AUTS2: variants seen among roughly 807,000 people sequenced by gnomAD.
The protein encoded by AUTS2 is autism susceptibility gene 2 protein.
In AUTS2, 17 loss-of-function variants were observed where a neutral mutation model predicts 112.4. The ratio of observed to expected loss-of-function variants is 0.15; its 90% CI spans 0.10 to 0.23. AUTS2 has a LOEUF of 0.23. Ranked by LOEUF, AUTS2 falls within the 10% of genes least tolerant of loss-of-function variation. The pLI is 1.00. For synonymous variants in AUTS2, 751 were observed against 702.7 expected, an observed-to-expected ratio of 1.07 and a Z score of -1.09; for missense variants, 1,510 against 1,701.6, an observed-to-expected ratio of 0.89 and a Z score of 1.98.
intron 1 of AUTS2, among the ~76,000 whole-genome samples, chr7:69,792,363 C>A (rs2129327324): frequency 6.6e-6 from 1 of 152,090 alleles, no homozygotes; most frequent in East Asian, 1.9e-4. Flanking sequence ...CCTCAGCCTC[C>A]CGAGTAGCTG....
intron 4 of AUTS2, among the ~76,000 whole-genome samples, chr7:70,416,463 C>A (rs910531146): frequency 1.4e-4 from 21 of 152,140 alleles, no homozygotes; most frequent in African/African-American, 5.1e-4. Context: ...TTTGAATGGG[C>A]CTTGCCCAAG....
At chr7:69,861,689 A>C (rs953516429) in intron 1 of AUTS2, among the ~76,000 whole-genome samples, 1 of 152,228 alleles carries the variant, frequency 6.6e-6, no homozygotes, top group Non-Finnish European at 1.5e-5. Flanking sequence ...TAATTACCTC[A>C]TCTGGAGTGG....
At chr7:70,486,913 A>C (rs1798033524) in intron 5 of AUTS2, among the ~76,000 whole-genome samples, 1 of 135,726 alleles carries the variant, frequency 7.4e-6, no homozygotes. Context: ...CCCCCCAAAA[A>C]AAAAGAAGAA....
chr7:70,445,315 GTGAGT>G (rs1397868318), intron 5 of AUTS2, among the ~76,000 whole-genome samples: 2 of 152,124 alleles, frequency 1.3e-5, no homozygotes, highest in Non-Finnish European at 2.9e-5. Context: ...GTACGTCAGT[GTGAGT>G]TGGGATAAGC....
intron 2 of AUTS2, among the ~76,000 whole-genome samples, chr7:70,082,171 A>G (rs1803355686): frequency 6.6e-6 from 1 of 152,206 alleles, no homozygotes; most frequent in African/African-American, 2.4e-5. Flanking sequence ...ATGACTAAGA[A>G]TGTAACTATG....
rs144782496 is a variant in AUTS2 at position 70,477,140 on chromosome 7, C to T, written c.690+41359C>T. Among the ~76,000 whole-genome samples, 90 of 152,312 alleles carry T rather than the reference C, an allele frequency of 5.9e-4. No individual in the cohort carries two copies. The East Asian group carries it at 0.01, about 18-fold the overall frequency. ...TGGACAATTCCAGGCTGGCTCCAGG[C>T]TTCATCAGAACAATTATGTCCTCTC... On this transcript the variant is annotated intron_variant, in intron 5 of 18. Transcript: ENST00000342771.
At chr7:70,708,162 A>G (rs74459427) in intron 6 of AUTS2, among the ~76,000 whole-genome samples, 2,645 of 152,236 alleles carry the variant, frequency 0.017, 71 homozygotes, top group African/African-American at 0.061. Flanking sequence ...GCAGAGTAAC[A>G]CTAAAACCTA....
intron 2 of AUTS2, among the ~76,000 whole-genome samples, chr7:69,975,316 G>GAT (rs1255999578): frequency 2.0e-5 from 3 of 152,016 alleles, no homozygotes; most frequent in African/African-American, 7.2e-5. Context: ...GTTTAACTAT[G>GAT]ATGTGTCTTG....
intron 2 of AUTS2, among the ~76,000 whole-genome samples, chr7:69,922,887 TCTTATA>T (rs775082991): frequency 2.1e-4 from 32 of 152,368 alleles, no homozygotes; most frequent in African/African-American, 3.4e-4. Context: ...AGTGTTGGTT[TCTTATA>T]CTTATAGTAA....
chr7:70,587,967 G>A (rs765240024), intron 5 of AUTS2, among the ~76,000 whole-genome samples: 1 of 152,164 alleles, frequency 6.6e-6, no homozygotes. Flanking sequence ...CTGAACTGCC[G>A]CCGCACAGTG....
At chr7:70,765,967 T>C (rs1316789998) in intron 8 of AUTS2, 147 bp from the exon 9 acceptor site, 25 of 1,398,602 alleles carry the variant, frequency 1.8e-5, no homozygotes, top group South Asian at 1.3e-4. Flanking sequence ...GTCTGCTTCA[T>C]TGATTGCCCC....
intron 1 of AUTS2, among the ~76,000 whole-genome samples, chr7:69,784,865 A>G (rs947490506): frequency 6.6e-6 from 1 of 152,232 alleles, no homozygotes; most frequent in Non-Finnish European, 1.5e-5. Context: ...TTTCACAAAT[A>G]CCTATTGTGC....
At chr7:70,072,357 G>GAT (rs1802814501) in intron 2 of AUTS2, among the ~76,000 whole-genome samples, 1 of 152,092 alleles carries the variant, frequency 6.6e-6, no homozygotes, top group South Asian at 2.1e-4. Flanking sequence ...TGTGCCTGTG[G>GAT]ATATATATAC....
intron 5 of AUTS2, among the ~76,000 whole-genome samples, chr7:70,508,797 C>T (rs1373916220): frequency 1.3e-5 from 2 of 152,198 alleles, no homozygotes; most frequent in Non-Finnish European, 2.9e-5. Context: ...GCATGCTTAT[C>T]AGTGTGATGG....
In AUTS2 at chr7:70,353,690, A is replaced by G. The variant is rs547353819; in HGVS notation, c.661-82062A>G. ...TTATCCCATCGGATTTTTCCTCTCA[A>G]TCACTTGAGTCTTTTCTCTGAGCAC... On this transcript the variant is annotated intron_variant, in intron 4 of 18. Coordinates refer to ENST00000342771, the MANE Select transcript of AUTS2 (RefSeq NM_015570.4). Among the ~76,000 whole-genome samples the G allele has an allele frequency of 3.3e-5, 5 of 152,376 alleles. No individual in the cohort carries two copies. The East Asian group carries it at 9.6e-4, about 29-fold the overall frequency.
chr7:70,355,092 G>A (rs777970860), intron 4 of AUTS2, among the ~76,000 whole-genome samples: 1 of 150,786 alleles, frequency 6.6e-6, no homozygotes, highest in Non-Finnish European at 1.5e-5. Flanking sequence ...GTGTGCGTGT[G>A]TGTGTATGTA....
intron 1 of AUTS2, among the ~76,000 whole-genome samples, chr7:69,858,457 TGTAAA>T (rs1414037687): frequency 6.6e-6 from 1 of 152,172 alleles, no homozygotes; most frequent in Non-Finnish European, 1.5e-5. Context: ...CCTCCTCTAT[TGTAAA>T]GAGAAGAGGT....
At chr7:70,607,360 G>A (rs1803838204) in intron 5 of AUTS2, among the ~76,000 whole-genome samples, 1 of 152,184 alleles carries the variant, frequency 6.6e-6, no homozygotes, top group Non-Finnish European at 1.5e-5. Context: ...TTGATGGAAA[G>A]CCTATATTTA....
intron 4 of AUTS2, among the ~76,000 whole-genome samples, chr7:70,241,980 G>T (rs1812638480): frequency 6.6e-6 from 1 of 152,144 alleles, no homozygotes; most frequent in African/African-American, 2.4e-5. Flanking sequence ...TTTTCCTGTG[G>T]TCAAAACAAC....
Sources: allele counts gnomAD v4.1 joint callset (sites outside exome capture counted in the v4.1 genomes callset), GRCh38; gene constraint gnomAD v4.1.1; transcripts MANE v1.5; gene names NCBI Gene and HGNC (gene_info 2026-07-23, HGNC 2026-07-21).